The following RTTN variants were observed in gnomAD, a reference collection of about 807,000 sequenced individuals.
RTTN encodes rotatin.
RTTN carries 182 observed loss-of-function variants against 269.2 expected under a neutral mutation model. The observed-to-expected ratio is 0.68, with a 90% confidence interval of 0.60 to 0.76. The LOEUF (loss-of-function observed/expected upper bound fraction) is 0.76. RTTN is among the 30% of genes least tolerant of loss of function. The pLI is 0.00. For missense variants in RTTN, 2,545 were observed against 2,608.6 expected (o/e 0.98, Z 0.53); for synonymous variants, 1,006 against 963.5 (o/e 1.04, Z -0.82).
chr18:70,140,051 T>C (rs375796397), intron 20 of RTTN, 49 bp downstream of exon 20: 14 of 1,246,404 alleles, frequency 1.1e-5, no homozygotes, highest in Non-Finnish European at 1.6e-5. Context: ...TCAGATCTGA[T>C]TAATCAAAAC....
In RTTN at chr18:70,028,728, C is replaced by A; in HGVS notation, c.5819G>T (p.Cys1940Phe). The A allele has an allele frequency of 6.2e-7, 1 of 1,602,294 alleles. No homozygotes were observed. The highest frequency in any genetic ancestry group is 1.3e-5 in the African/African-American group (1 of 74,742). ...TTGAAAAGTAGTTCTACTTACTTTA[C>A]ATTCCTCATTTTGATAAAGACAGTT... ...LRNCLYQNEE[C>F]KEAALEAHLV... The change falls in exon 43 of 49, where the codon TGT becomes TTT. Residue 1940 changes from cysteine to phenylalanine, a missense_variant. Coordinates refer to ENST00000640769, the MANE Select transcript of RTTN (RefSeq NM_173630.4).
intron 40 of RTTN, among the ~76,000 whole-genome samples, chr18:70,047,324 AC>A (rs2057518815): frequency 1.3e-5 from 2 of 152,230 alleles, no homozygotes; most frequent in South Asian, 4.1e-4. Flanking sequence ...TTTGTAAAAA[AC>A]AATGTACAAC....
intron 12 of RTTN, among the ~76,000 whole-genome samples, chr18:70,167,236 A>G (rs182103587): frequency 6.9e-4 from 105 of 152,358 alleles, no homozygotes; most frequent in African/African-American, 2.0e-3. Flanking sequence ...TAAATGCCAC[A>G]TGAGACTTTC....
chr18:70,018,782 A>G (rs2056615468), intron 45 of RTTN, among the ~76,000 whole-genome samples: 2 of 151,360 alleles, frequency 1.3e-5, no homozygotes, highest in South Asian at 2.1e-4. Context: ...AGGGTGATAA[A>G]GCAGATGTCA....
At chr18:70,190,445 G>A in intron 9 of RTTN, 93 bp downstream of exon 9, 3 of 771,008 alleles carry the variant, frequency 3.9e-6, no homozygotes, top group East Asian at 5.3e-5. Context: ...AGATTCCAAA[G>A]GCCCTAACAT....
intron 37 of RTTN, among the ~76,000 whole-genome samples, chr18:70,056,931 G>A (rs2057833781): frequency 6.6e-6 from 1 of 152,178 alleles, no homozygotes. Flanking sequence ...AGAAGATTCA[G>A]GCACACAGCA....
chr18:70,120,133 T>C (rs1320971676), intron 26 of RTTN, among the ~76,000 whole-genome samples: 1 of 152,122 alleles, frequency 6.6e-6, no homozygotes, highest in Non-Finnish European at 1.5e-5. Flanking sequence ...GAAGGGGAAC[T>C]GATGGCTTTG....
At chr18:70,141,181 T>C (rs1311474243) in intron 19 of RTTN, among the ~76,000 whole-genome samples, 3 of 152,232 alleles carry the variant, frequency 2.0e-5, no homozygotes, top group Non-Finnish European at 4.4e-5. Context: ...ATGTGGAATA[T>C]GTTTTTTCAA....
At chr18:70,046,099 C>A (rs112584427) in intron 40 of RTTN, among the ~76,000 whole-genome samples, 119 of 152,142 alleles carry the variant, frequency 7.8e-4, no homozygotes, top group African/African-American at 2.5e-3. Flanking sequence ...TGATTCATTA[C>A]CCTACATGGA....
intron 45 of RTTN, among the ~76,000 whole-genome samples, chr18:70,018,888 A>G (rs940571393): frequency 2.3e-5 from 3 of 131,120 alleles, no homozygotes; most frequent in Admixed American, 9.3e-5. Flanking sequence ...AATTTCCTAC[A>G]CCAGGTAGAA....
At position 70,193,361 on chromosome 18, in the gene RTTN, G is replaced by A. The variant is rs767408015; in HGVS notation, c.934C>T (p.Arg312Trp). 17 of 1,609,890 alleles carry A rather than the reference G, an allele frequency of 1.1e-5. No homozygotes were observed. Among genetic ancestry groups the A allele is most frequent in the African/African-American group, 1.3e-5 (1 of 74,474 alleles). ...CCTGTGCGCCCAACCACAGAAGGCCGAGGGCTGCTGCTTCCTGGGGAAGGA... is the reference window on the plus strand; with the variant it reads ...CCTGTGCGCCCAACCACAGAAGGCCAAGGGCTGCTGCTTCCTGGGGAAGGA... ...QNPSPGSSSP[R>W]PSVVGRTGQR... is the part of the protein sequence containing the mutation. The change falls in exon 8 of 49, where the codon CGG (arginine) becomes TGG (tryptophan). Residue 312 changes from arginine (R) to tryptophan (W), a missense_variant. Arg to Trp is a moderately radical substitution (Grantham distance 101, BLOSUM62 -3). Transcript: ENST00000640769.
chr18:70,127,926 C>A, intron 24 of RTTN, 185 bp from the exon 25 acceptor site: 2 of 588,720 alleles, frequency 3.4e-6, no homozygotes, highest in Non-Finnish European at 5.9e-6. Flanking sequence ...CATTGGCATC[C>A]CAAATGTTTA....
chr18:70,196,003 A>T (rs547148402), intron 7 of RTTN, among the ~76,000 whole-genome samples: 6 of 152,334 alleles, frequency 3.9e-5, no homozygotes, highest in African/African-American at 1.4e-4. Flanking sequence ...GTTTTGTCGA[A>T]GCCAGGCTGG....
In RTTN at chr18:70,150,745, T is replaced by C. The variant is rs1199647121; in HGVS notation, c.1930-12A>G. 10 of 1,543,842 alleles carry C rather than the reference T, an allele frequency of 6.5e-6. No homozygotes were observed. Among genetic ancestry groups the C allele is most frequent in the Non-Finnish European group, 8.8e-6 (10 of 1,137,422 alleles). ...ACACCTAAACATTCCTGTAAAATAATATTAAAAAGTATTTTTAAATTAGCA... is the reference window on the plus strand; with the variant it reads ...ACACCTAAACATTCCTGTAAAATAACATTAAAAAGTATTTTTAAATTAGCA... On this transcript the variant is annotated splice_polypyrimidine_tract_variant and intron_variant, in intron 14 of 48. Coordinates refer to ENST00000640769, the MANE Select transcript of RTTN (RefSeq NM_173630.4).
chr18:70,042,146 C>G (rs1176452852), intron 40 of RTTN, among the ~76,000 whole-genome samples: 2 of 151,674 alleles, frequency 1.3e-5, no homozygotes, highest in Non-Finnish European at 2.9e-5. Flanking sequence ...ACAGGAGTTC[C>G]AAATGTACAG....
intron 32 of RTTN, among the ~76,000 whole-genome samples, chr18:70,085,047 T>C (rs2058667291): frequency 6.6e-6 from 1 of 152,168 alleles, no homozygotes; most frequent in Non-Finnish European, 1.5e-5. Context: ...TAAAAATTCA[T>C]TGGTAGTACA....
At chr18:70,205,007 T>A (rs1253511538) in intron 2 of RTTN, 121 bp downstream of exon 2, 14 of 896,034 alleles carry the variant, frequency 1.6e-5, no homozygotes, top group East Asian at 9.7e-5. Context: ...AAATTAAACA[T>A]CTCTGGTTGA....
chr18:70,105,696 T>C (rs1410044201), intron 28 of RTTN, among the ~76,000 whole-genome samples: 1 of 152,136 alleles, frequency 6.6e-6, no homozygotes, highest in African/African-American at 2.4e-5. Context: ...CAGCAAAGAG[T>C]ATTTATGATC....
intron 38 of RTTN, among the ~76,000 whole-genome samples, chr18:70,053,016 C>A (rs981966186): frequency 2.0e-5 from 3 of 152,176 alleles, no homozygotes; most frequent in African/African-American, 7.2e-5. Flanking sequence ...ATTCACAAGG[C>A]AGCCAATAGC....
Sources: gnomAD v4.1 joint callset for allele counts (sites outside exome capture counted in the v4.1 genomes callset) on GRCh38, gnomAD v4.1.1 for gene constraint, MANE v1.5 for transcripts, NCBI Gene and HGNC (gene_info 2026-07-23, HGNC 2026-07-21) for gene names.